The following ANTXR1 variants were observed in gnomAD, a reference collection of about 807,000 sequenced individuals.
ANTXR1 encodes the protein ANTXR cell adhesion molecule 1.
In ANTXR1, 19 loss-of-function variants were observed where a neutral mutation model predicts 78.1. That is an observed-to-expected ratio of 0.24 (90% confidence interval 0.17 to 0.36). ANTXR1 has a LOEUF of 0.36. Among genes scored for constraint, ANTXR1 ranks in the 10% least tolerant of loss-of-function variants. The pLI is 1.00. For synonymous variants in ANTXR1, 273 were observed against 260.5 expected (o/e 1.05, Z -0.46); for missense variants, 518 against 718.6 (o/e 0.72, Z 3.19).
intron 17 of ANTXR1, among the ~76,000 whole-genome samples, chr2:69,238,848 T>G (rs1558667306): frequency 6.6e-6 from 1 of 152,360 alleles, no homozygotes; most frequent in East Asian, 1.9e-4. Flanking sequence ...CATAGGAAAC[T>G]ATTTGGTTTA....
intron 3 of ANTXR1, among the ~76,000 whole-genome samples, chr2:69,066,282 A>AC (rs1670395606): frequency 6.6e-6 from 1 of 150,562 alleles, no homozygotes; most frequent in Admixed American, 6.6e-5. Context: ...TCCATCTTTT[A>AC]TTTTTTTTTC....
intron 10 of ANTXR1, among the ~76,000 whole-genome samples, chr2:69,113,234 T>C (rs1173662920): frequency 6.6e-6 from 1 of 152,156 alleles, no homozygotes; most frequent in African/African-American, 2.4e-5. Context: ...TCCCCCTCTA[T>C]TTCTGCACCC....
chr2:69,147,577 ACTT>A (rs1288649324), intron 12 of ANTXR1, among the ~76,000 whole-genome samples: 4 of 152,188 alleles, frequency 2.6e-5, no homozygotes, highest in Non-Finnish European at 5.9e-5. Flanking sequence ...CATGGTCTCA[ACTT>A]CTGTTGCATC....
At chr2:69,242,228 C>T (rs74619099) in intron 17 of ANTXR1, among the ~76,000 whole-genome samples, 2,551 of 152,276 alleles carry the variant, frequency 0.017, 50 homozygotes, top group African/African-American at 0.045. Flanking sequence ...CAAGACACCA[C>T]GGCGGCAGCT....
At chr2:69,121,598 C>T (rs1321501027) in intron 10 of ANTXR1, among the ~76,000 whole-genome samples, 1 of 152,204 alleles carries the variant, frequency 6.6e-6, no homozygotes, top group African/African-American at 2.4e-5. Flanking sequence ...ATTCTGCAGT[C>T]ATGACTTGCA....
intron 2 of ANTXR1, among the ~76,000 whole-genome samples, chr2:69,041,668 G>A (rs1439410955): frequency 6.6e-6 from 1 of 152,210 alleles, no homozygotes; most frequent in Non-Finnish European, 1.5e-5. Flanking sequence ...CTGGCTTAGA[G>A]TGGGCACACA....
chr2:69,214,483 A>T (rs1027831539), intron 17 of ANTXR1, among the ~76,000 whole-genome samples: 1 of 152,208 alleles, frequency 6.6e-6, no homozygotes, highest in Non-Finnish European at 1.5e-5. Flanking sequence ...CTCCAAATTC[A>T]GTCATAGAAA....
At chr2:69,221,181 C>T (rs536765810) in intron 17 of ANTXR1, among the ~76,000 whole-genome samples, 1 of 152,224 alleles carries the variant, frequency 6.6e-6, no homozygotes, top group South Asian at 2.1e-4. Context: ...AGGGACTCTC[C>T]AATTACAGAG....
intron 17 of ANTXR1, among the ~76,000 whole-genome samples, chr2:69,234,662 C>A (rs1675707276): frequency 6.6e-6 from 1 of 152,080 alleles, no homozygotes; most frequent in Non-Finnish European, 1.5e-5. Flanking sequence ...ACTTGGGAGG[C>A]TGAAGCAGGA....
chr2:69,208,289 C>T (rs751241701), intron 17 of ANTXR1, among the ~76,000 whole-genome samples: 63 of 152,284 alleles, frequency 4.1e-4, no homozygotes, highest in Middle Eastern at 6.8e-3. Context: ...CTTCTTACCC[C>T]CACAAGTAGC....
At chr2:69,066,797 C>T (rs1670412812) in intron 3 of ANTXR1, among the ~76,000 whole-genome samples, 1 of 152,172 alleles carries the variant, frequency 6.6e-6, no homozygotes, top group Non-Finnish European at 1.5e-5. Context: ...AAAAGGAACA[C>T]AAAACAAATG....
At chr2:69,104,606 A>T (rs1420957773) in intron 10 of ANTXR1, among the ~76,000 whole-genome samples, 5 of 152,142 alleles carry the variant, frequency 3.3e-5, no homozygotes, top group Non-Finnish European at 4.4e-5. Context: ...TTTAACCAAA[A>T]TCCCAAGTCT....
chr2:69,065,435 A>AAAAAAAAAAC (rs1462930334), intron 3 of ANTXR1, among the ~76,000 whole-genome samples: 1 of 151,900 alleles, frequency 6.6e-6, no homozygotes. Context: ...AAAAAAAAAA[A>AAAAAAAAAAC]AAAAAAAGTG....
intron 1 of ANTXR1, among the ~76,000 whole-genome samples, chr2:69,035,397 G>A (rs954664996): frequency 2.6e-5 from 4 of 152,180 alleles, no homozygotes; most frequent in Admixed American, 6.5e-5. Flanking sequence ...TTGATCTTGC[G>A]CTAGGACAAT....
chr2:69,125,458 G>A lies in ANTXR1; in HGVS notation c.951+815G>A, dbSNP rs553739606. Among the ~76,000 whole-genome samples the A allele has an allele frequency of 7.9e-5, 12 of 152,288 alleles. No individual in the cohort carries two copies. In the South Asian group the frequency reaches 1.7e-3, roughly 21 times the overall value. On this transcript the variant is annotated intron_variant, in intron 12 of 17. Coordinates refer to ENST00000303714, the MANE Select transcript of ANTXR1 (RefSeq NM_032208.3). ...CATGTGCAGCTGTGACTGAGAACCC[G>A]TCAGCCTCTGGAGTTGGTCCTGCCC... is the stretch of plus-strand genomic sequence containing the variant.
chr2:69,013,618 A>G lies in ANTXR1; in HGVS notation c.119A>G (p.Tyr40Cys). ...GRREDGGPAC[Y>C]GGFDLYFILD... ...AGGGAGGATGGGGGTCCAGCCTGCT[A>G]CGGCGGATTTGACCTGTACTTCATT... The change falls in exon 1 of 18, where the codon TAC (tyrosine) becomes TGC (cysteine). Residue 40 changes from tyrosine to cysteine, a missense_variant. Transcript: ENST00000303714. This position sits in a 1 kb window ranked among gnomAD's most constrained non-coding sequence, Gnocchi z 5.0. The G allele has an allele frequency of 6.4e-7, 1 of 1,556,418 alleles. No individual in the cohort carries two copies. Among genetic ancestry groups the G allele is most frequent in the Non-Finnish European group, 8.7e-7 (1 of 1,149,014 alleles).
Position 69,077,412 on chromosome 2 carries a change from C to T in ANTXR1, c.566C>T (p.Ala189Val). The T allele has an allele frequency of 3.7e-6, 6 of 1,614,122 alleles. No homozygotes were observed. Among genetic ancestry groups the T allele is most frequent in the Non-Finnish European group, 4.2e-6 (5 of 1,180,006 alleles). ...GVKDFNETQL[A>V]RIADSKDHVF... Reference sequence around the variant, plus strand: ...GTGTATTTGCTGTGTTCTCAGCTGGCCCGGATTGCGGACAGTAAGGATCAT... The same window carrying T: ...GTGTATTTGCTGTGTTCTCAGCTGGTCCGGATTGCGGACAGTAAGGATCAT... Residue 189 changes from alanine to valine, a missense_variant, in exon 8 of 18, where the codon GCC becomes GTC. Physicochemically the swap from Ala to Val is moderately conservative, Grantham distance 64. This residue lies in a region of ANTXR1 where 264 missense variants were observed against 391.8 expected (regional missense o/e 0.67). Coordinates refer to ENST00000303714, the MANE Select transcript of ANTXR1 (RefSeq NM_032208.3).
intron 13 of ANTXR1, among the ~76,000 whole-genome samples, chr2:69,166,414 A>G (rs538070672): frequency 6.6e-6 from 1 of 152,166 alleles, no homozygotes; most frequent in Non-Finnish European, 1.5e-5. Context: ...TCCATATTCC[A>G]TCTCATTTTT....
At chr2:69,157,745 T>G (rs560284422) in intron 13 of ANTXR1, among the ~76,000 whole-genome samples, 27 of 152,314 alleles carry the variant, frequency 1.8e-4, no homozygotes, top group African/African-American at 6.3e-4. Flanking sequence ...ATGGATACCA[T>G]TGTCTTACTC....
Sources: allele counts gnomAD v4.1 joint callset (sites outside exome capture counted in the v4.1 genomes callset), GRCh38; gene constraint gnomAD v4.1.1; regional missense constraint gnomAD v4.1.1; non-coding constraint Gnocchi (gnomAD v3.1); transcripts MANE v1.5; gene names NCBI Gene and HGNC (gene_info 2026-07-23, HGNC 2026-07-21).